NRL: variants seen among roughly 807,000 people sequenced by gnomAD.
NRL encodes neural retina-specific leucine zipper protein.
NRL carries 16 observed loss-of-function variants against 12.5 expected under a neutral mutation model. The observed-to-expected ratio is 1.28, with a 90% CI of 0.87 to 1.95. The LOEUF (loss-of-function observed/expected upper bound fraction) is 1.95. Among genes scored for constraint, NRL ranks in the 30% most tolerant of loss-of-function variants. The probability of loss-of-function intolerance (pLI) is 0.00; values close to 1 mark genes in which losing one functional copy is unlikely to be tolerated. For synonymous variants in NRL, 142 were observed against 150.9 expected, an observed-to-expected ratio of 0.94 and a Z score of 0.43; for missense variants, 314 against 325.8, an observed-to-expected ratio of 0.96 and a Z score of 0.28.
In NRL at chr14:24,079,648, T is replaced by G. The variant is rs1477693002; in HGVS notation, c.*1588A>C. The stretch of plus-strand genomic sequence containing the variant: ...AGAGAAGAGACAGCTGGGGAGGGGG[T>G]GGAGAGAGGGGGTAGAAAGGAAGAG... On this transcript the variant is annotated 3_prime_UTR_variant, in exon 3 of 3. Coordinates refer to ENST00000561028, the MANE Select transcript of NRL (RefSeq NM_001354768.3). Among the ~76,000 whole-genome samples the G allele has an allele frequency of 4.2e-4, 55 of 131,236 alleles. No individual in the cohort carries two copies. Among genetic ancestry groups the G allele is most frequent in the African/African-American group, 7.0e-4 (24 of 34,344 alleles). The allele number at this position is 131,236 out of a possible 152,430, so 86.1% of individuals were successfully genotyped here.
chr14:24,106,716 G>C (rs965798685), intron 1 of NRL, among the ~76,000 whole-genome samples: 2 of 138,500 alleles, frequency 1.4e-5, no homozygotes, highest in Admixed American at 7.0e-5. Flanking sequence ...GTGAGACTCT[G>C]TCTCAAAAAA....
At chr14:24,103,476 G>A (rs769437620) in intron 1 of NRL, 2 of 1,521,924 alleles carry the variant, frequency 1.3e-6, no homozygotes, top group Admixed American at 2.1e-5. Context: ...CCAGTGAGAA[G>A]GAAGATTCCT....
Position 24,094,273 on chromosome 14 carries a change from C to G in NRL, c.-27-11398G>C. 41 of 805,804 alleles carry G rather than the reference C, an allele frequency of 5.1e-5. No individual in the cohort carries two copies. The highest frequency in any genetic ancestry group is 7.8e-5 in the Non-Finnish European group (40 of 511,200). The allele number at this position is 805,804 out of a possible 1,614,324, so 49.9% of individuals were successfully genotyped here. ...CTACCAGGTTCCGCCCCCGCGCCTG[C>G]CCCCCTCCTTTTTAAGCGCCTCCCG... On this transcript the variant is annotated intron_variant, in intron 1 of 2. Transcript: ENST00000561028. This position sits in a 1 kb window ranked among gnomAD's most constrained non-coding sequence, Gnocchi z 4.1.
chr14:24,114,813 A>T lies in NRL; in HGVS notation c.-119T>A, dbSNP rs1792021801. The T allele has an allele frequency of 1.0e-6, 1 of 985,934 alleles. No homozygotes were observed. Among genetic ancestry groups the T allele is most frequent in the Non-Finnish European group, 1.2e-6 (1 of 829,948 alleles). 61.1% of individuals were successfully genotyped at this position (985,934 alleles called of 1,614,324 possible). A position where few individuals can be genotyped will look rare whatever the true frequency, so the allele number is the denominator to read the frequency against. On this transcript the variant is annotated 5_prime_UTR_variant, in exon 1 of 3. Coordinates refer to ENST00000561028, the MANE Select transcript of NRL (RefSeq NM_001354768.3). ...GCAGCCCGCCGGCCAGGAAGCCGCG[A>T]GATGCGTGACGAGCGAAGCGCGTGA...
chr14:24,100,135 G>A (rs772315574), intron 1 of NRL: 112 of 1,613,502 alleles, frequency 6.9e-5, no homozygotes, highest in Non-Finnish European at 8.5e-5. Flanking sequence ...TGATGGTGGC[G>A]TGTACTGGGA....
At chr14:24,098,653 C>T (rs890165002) in intron 1 of NRL, 29 of 1,613,772 alleles carry the variant, frequency 1.8e-5, no homozygotes, top group African/African-American at 1.2e-4. Context: ...GTCTGCACTC[C>T]GTGGGCCAGC....
At chr14:24,107,005 T>G (rs533371090) in intron 1 of NRL, among the ~76,000 whole-genome samples, 337 of 152,332 alleles carry the variant, frequency 2.2e-3, no homozygotes, top group Middle Eastern at 0.02. Flanking sequence ...TAATACATGT[T>G]AGCTATCATC....
intron 1 of NRL, chr14:24,104,165 C>T: frequency 1.7e-6 from 1 of 581,784 alleles, no homozygotes; most frequent in South Asian, 2.0e-5. Context: ...CCTATCTTCA[C>T]AGGCTTCCCT....
At chr14:24,100,905 C>A (rs1364470182) in intron 1 of NRL, among the ~76,000 whole-genome samples, 2 of 152,218 alleles carry the variant, frequency 1.3e-5, no homozygotes, top group African/African-American at 4.8e-5. Context: ...TCCCACCTCT[C>A]CCTCAGCCCT....
At chr14:24,099,682 T>G (rs761530271) in intron 1 of NRL, 1 of 1,613,842 alleles carries the variant, frequency 6.2e-7, no homozygotes, top group African/African-American at 1.3e-5. Context: ...GTGGAGTGTG[T>G]GGGGGATGAT....
intron 1 of NRL, among the ~76,000 whole-genome samples, chr14:24,087,825 C>T (rs1044823459): frequency 7.2e-5 from 11 of 152,296 alleles, no homozygotes; most frequent in South Asian, 2.1e-4. Flanking sequence ...GCCTGTAATC[C>T]TAGCACTTTG....
chr14:24,081,808 GC>G lies in NRL; in HGVS notation c.382-241del. On this transcript the variant is annotated intron_variant, in intron 2 of 2. Transcript: ENST00000561028. The surrounding 1 kb of genome is among the most constrained non-coding windows in gnomAD (Gnocchi z 4.4). The stretch of plus-strand genomic sequence containing the variant: ...GCGGGCGCCCCACGGTGCAGGGCCG[GC>G]CACGGTCAGGCGAGCCCGTCGCGCA... The G allele has an allele frequency of 6.8e-7, 1 of 1,474,826 alleles. No homozygotes were observed. Among genetic ancestry groups the G allele is most frequent in the South Asian group, 1.3e-5 (1 of 76,690 alleles). The allele number at this position is 1,474,826 out of a possible 1,614,324, so 91.4% of individuals were successfully genotyped here.
chr14:24,114,686 C>G, intron 1 of NRL, 36 bp downstream of exon 1: 21 of 985,988 alleles, frequency 2.1e-5, no homozygotes, highest in Non-Finnish European at 2.5e-5. Context: ...TGCACTTTCT[C>G]CTCCCCTCAG....
At position 24,094,986 on chromosome 14, in the gene NRL, G is replaced by A. The variant is rs1474660402; in HGVS notation, c.-27-12111C>T. 2 of 620,592 alleles carry A rather than the reference G, an allele frequency of 3.2e-6. No homozygotes were observed. The highest frequency in any genetic ancestry group is 3.2e-5 in the South Asian group (2 of 62,932). 38.4% of individuals were successfully genotyped at this position (620,592 alleles called of 1,614,324 possible). A position where few individuals can be genotyped will look rare whatever the true frequency, so the allele number is the denominator to read the frequency against. Reference sequence around the variant, plus strand: ...CAGCCCGAGGGACCTGGGCCCAGGGGAGGGAGGCAAGCAAGGTGGGAGGAG... The same window carrying A: ...CAGCCCGAGGGACCTGGGCCCAGGGAAGGGAGGCAAGCAAGGTGGGAGGAG... On this transcript the variant is annotated intron_variant, in intron 1 of 2. Coordinates refer to ENST00000561028, the MANE Select transcript of NRL (RefSeq NM_001354768.3). The surrounding 1 kb of genome is among the most constrained non-coding windows in gnomAD (Gnocchi z 4.1).
intron 1 of NRL, chr14:24,103,403 A>T: frequency 2.5e-6 from 3 of 1,202,072 alleles, no homozygotes; most frequent in Non-Finnish European, 3.6e-6. Context: ...ATCCCTGAAG[A>T]TATTCAGAAC....
rs1191562272 is a variant in NRL at position 24,082,260 on chromosome 14, G to C, written c.381+208C>G. Among the ~76,000 whole-genome samples, 7 of 152,244 alleles carry C rather than the reference G, an allele frequency of 4.6e-5. No individual in the cohort carries two copies. In the East Asian group the frequency reaches 1.4e-3, roughly 29 times the overall value. The stretch of plus-strand genomic sequence containing the variant: ...TCTTCTCCCTGCTCCTCCTGGTTCA[G>C]CCTACTCATTTCTCTCCATTTTAAG... On this transcript the variant is annotated intron_variant, in intron 2 of 2. Coordinates refer to ENST00000561028, the MANE Select transcript of NRL (RefSeq NM_001354768.3).
rs747471867 is a variant in NRL, at chr14:24,097,149, G to C, written c.-27-14274C>G. 3.1e-6 allele frequency: 5 copies of C among 1,612,522 alleles called. No individual in the cohort carries two copies. In the African/African-American group the frequency reaches 6.7e-5, roughly 22 times the overall value. On this transcript the variant is annotated intron_variant, in intron 1 of 2. Coordinates refer to ENST00000561028, the MANE Select transcript of NRL (RefSeq NM_001354768.3). The stretch of plus-strand genomic sequence containing the variant: ...AAGTACAATAACTGGTAAGCCTTGG[G>C]CTCCACAACCTGCAGGATAGGTGCA...
Position 24,082,850 on chromosome 14 carries a change from C to T in NRL, c.-2G>A. Reference sequence around the variant, plus strand: ...CAGGGGGCTGGGGGGCAGGGCCATTCTGGAGCTGGGCTGGGAGGAGTGCAC... The same window carrying T: ...CAGGGGGCTGGGGGGCAGGGCCATTTTGGAGCTGGGCTGGGAGGAGTGCAC... On this transcript the variant is annotated 5_prime_UTR_variant, in exon 2 of 3. Coordinates refer to ENST00000561028, the MANE Select transcript of NRL (RefSeq NM_001354768.3). 1 of 1,610,680 alleles carries T rather than the reference C, an allele frequency of 6.2e-7. No individual in the cohort carries two copies. Among genetic ancestry groups the T allele is most frequent in the East Asian group, 2.2e-5 (1 of 44,824 alleles).
At chr14:24,093,911 A>C (rs1027022869) in intron 1 of NRL, 20 of 425,862 alleles carry the variant, frequency 4.7e-5, no homozygotes, top group Non-Finnish European at 6.6e-5. Flanking sequence ...AGGAACTGGA[A>C]AGGCAATGCC....
Sources: gnomAD v4.1 joint callset for allele counts (sites outside exome capture counted in the v4.1 genomes callset) on GRCh38, gnomAD v4.1.1 for gene constraint, Gnocchi (gnomAD v3.1) non-coding constraint, MANE v1.5 for transcripts, NCBI Gene and HGNC (gene_info 2026-07-23, HGNC 2026-07-21) for gene names.